The following KNTC1 variants were observed in gnomAD, a reference collection of about 807,000 sequenced individuals.
The protein encoded by KNTC1 is kinetochore-associated protein 1.
In KNTC1, 253 loss-of-function variants were observed where a neutral mutation model predicts 314.4. The observed-to-expected ratio is 0.80, with a 90% CI of 0.73 to 0.89. The LOEUF (loss-of-function observed/expected upper bound fraction) is 0.89, where lower values mean the gene tolerates loss of function less well. Ranked by LOEUF, KNTC1 falls within the 40% of genes least tolerant of loss-of-function variation. The pLI is 0.00. For missense variants in KNTC1, 2,475 were observed against 2,572.9 expected, an observed-to-expected ratio of 0.96 and a Z score of 0.82; for synonymous variants, 901 against 901.4, an observed-to-expected ratio of 1.00 and a Z score of 0.01.
At chr12:122,562,438 T>TG in intron 19 of KNTC1, among the ~76,000 whole-genome samples, 200 bp from the exon 20 acceptor site, 2 of 97,400 alleles carry the variant, frequency 2.1e-5, no homozygotes, top group African/African-American at 3.7e-5. Context: ...TATCCCATGT[T>TG]TTGTGTGTGT....
In KNTC1 at chr12:122,539,727, G is replaced by T; in HGVS notation, c.418G>T (p.Val140Phe). 1.3e-6 allele frequency: 2 copies of T among 1,577,068 alleles called. No homozygotes were observed. Among genetic ancestry groups the T allele is most frequent in the Non-Finnish European group, 1.7e-6 (2 of 1,161,092 alleles). ...AAATCGGCGGACTTACCAGAATCTT[G>T]TCATTGAGAAGGATGGTTCAAATGA... ...DENRRTYQNLVIEKDGSNEGT... is the reference protein window; with the variant it reads ...DENRRTYQNLFIEKDGSNEGT... Residue 140 changes from valine to phenylalanine, a missense_variant, in exon 5 of 64, where the codon GTC becomes TTC. By Grantham distance (50) the Val-to-Phe change is conservative (BLOSUM62 -1). Transcript: ENST00000333479.
chr12:122,551,352 A>T lies in KNTC1; in HGVS notation c.1120A>T (p.Asn374Tyr), dbSNP rs760633250. 6.3e-7 allele frequency: 1 copy of T among 1,594,742 alleles called. No homozygotes were observed. Among genetic ancestry groups the T allele is most frequent in the Non-Finnish European group, 8.6e-7 (1 of 1,166,254 alleles). ...TIYLLEGVCK[N>Y]DPKLSEDSVS... ...ATACCTTTTAGAAGGAGTTTGCAAAAATGATCCAAAGTAGGTCATGTTTTA... is the reference window on the plus strand; with the variant it reads ...ATACCTTTTAGAAGGAGTTTGCAAATATGATCCAAAGTAGGTCATGTTTTA... Residue 374 changes from asparagine (N) to tyrosine (Y), a missense_variant, in exon 14 of 64, where the codon AAT becomes TAT. Asn to Tyr is a moderately radical substitution (Grantham distance 143). Transcript: ENST00000333479.
chr12:122,558,937 C>A (rs182946279), intron 18 of KNTC1, among the ~76,000 whole-genome samples: 3 of 152,130 alleles, frequency 2.0e-5, no homozygotes, highest in African/African-American at 7.2e-5. Flanking sequence ...AGTCCCCCAG[C>A]TTCAGGAAAC....
chr12:122,597,641 T>C (rs1188427163), intron 43 of KNTC1, 90 bp from the exon 44 acceptor site: 1 of 1,032,364 alleles, frequency 9.7e-7, no homozygotes. Context: ...ATTTCAACAA[T>C]GGAAGCATGT....
intron 13 of KNTC1, among the ~76,000 whole-genome samples, chr12:122,550,254 C>T (rs1230322621): frequency 1.3e-5 from 2 of 151,954 alleles, no homozygotes; most frequent in African/African-American, 4.8e-5. Flanking sequence ...TGTAGTTTTC[C>T]ACATTTTGGA....
In KNTC1 at chr12:122,575,863, A is replaced by C; in HGVS notation, c.2550A>C (p.Gly850=). ...MEMKKLLRGY[G]IREVNLLNKE... Reference sequence around the variant, plus strand: ...TGAAAAAACTTTTACGAGGCTATGGAATAAGAGAGGTAAATCTCTTAAACA... The same window carrying C: ...TGAAAAAACTTTTACGAGGCTATGGCATAAGAGAGGTAAATCTCTTAAACA... Residue 850 remains glycine (G), a synonymous_variant, in exon 29 of 64, where the codon GGA becomes GGC. Transcript: ENST00000333479. The C allele has an allele frequency of 1.2e-6, 2 of 1,613,294 alleles. No individual in the cohort carries two copies. The highest frequency in any genetic ancestry group is 2.2e-5 in the South Asian group (2 of 90,842).
In KNTC1 at chr12:122,622,537, A is replaced by G; in HGVS notation, c.6445A>G (p.Met2149Val). The G allele has an allele frequency of 5.7e-6, 9 of 1,577,560 alleles. No individual in the cohort carries two copies. Among genetic ancestry groups the G allele is most frequent in the Non-Finnish European group, 7.8e-6 (9 of 1,160,008 alleles). Residue 2149 changes from methionine (M) to valine (V), a missense_variant, in exon 62 of 64, where the codon ATG (methionine) becomes GTG (valine). By Grantham distance (21) the Met-to-Val change is conservative. Transcript: ENST00000333479. ...GILAKTKYFQ[M>V]LKMHAMNTNN... is the part of the protein sequence containing the mutation. The stretch of plus-strand genomic sequence containing the variant: ...TTTGGCAAAGACCAAATACTTTCAA[A>G]TGTTGAAGATGCATGCGATGAATAC...
intron 20 of KNTC1, among the ~76,000 whole-genome samples, chr12:122,564,710 G>A (rs1233980429): frequency 6.6e-6 from 1 of 151,814 alleles, no homozygotes; most frequent in Non-Finnish European, 1.5e-5. Flanking sequence ...GAGCTCAAGC[G>A]ATCTGCCTGC....
intron 2 of KNTC1, among the ~76,000 whole-genome samples, chr12:122,530,452 CTT>C (rs1231027673): frequency 1.7e-4 from 24 of 140,312 alleles, no homozygotes; most frequent in Admixed American, 1.4e-4. Flanking sequence ...CAAAGGATAT[CTT>C]TTTTTTTTTT....
intron 51 of KNTC1, among the ~76,000 whole-genome samples, chr12:122,608,699 A>G (rs918619096): frequency 6.6e-6 from 1 of 152,180 alleles, no homozygotes. Context: ...GTAAATCCCA[A>G]CAGATATATA....
rs756725585 is a variant in KNTC1 at position 122,561,899 on chromosome 12, ATTTC to A, written c.1489-19_1489-16del. ...AAACAGTAGATATTCTTCTAACTGTATTTCTTATTATTCTTACTTAGCTTTTGAA... is the reference window on the plus strand; with the variant it reads ...AAACAGTAGATATTCTTCTAACTGTATTATTATTCTTACTTAGCTTTTGAA... On this transcript the variant is annotated intron_variant, in intron 18 of 63. Transcript: ENST00000333479. The A allele has an allele frequency of 6.5e-7, 1 of 1,537,700 alleles. No individual in the cohort carries two copies. The highest frequency in any genetic ancestry group is 1.2e-5 in the South Asian group (1 of 85,674).
At chr12:122,596,552 G>A (rs183676715) in intron 43 of KNTC1, among the ~76,000 whole-genome samples, 1 of 151,242 alleles carries the variant, frequency 6.6e-6, no homozygotes, top group African/African-American at 2.4e-5. Flanking sequence ...AAACAAAACA[G>A]CTTTTTGGCC....
chr12:122,599,235 G>T (rs1210416938), intron 44 of KNTC1, among the ~76,000 whole-genome samples: 1 of 152,024 alleles, frequency 6.6e-6, no homozygotes, highest in Non-Finnish European at 1.5e-5. Flanking sequence ...TGAGTAGCTG[G>T]AACTACAGGG....
intron 5 of KNTC1, 107 bp from the exon 6 acceptor site, chr12:122,541,943 A>C (rs1267394735): frequency 2.8e-6 from 3 of 1,055,024 alleles, no homozygotes; most frequent in Non-Finnish European, 3.9e-6. Flanking sequence ...TGCACCCTAG[A>C]GGCGGAGGTT....
At chr12:122,568,398 A>G in intron 21 of KNTC1, 26 bp downstream of exon 21, 3 of 1,281,614 alleles carry the variant, frequency 2.3e-6, no homozygotes, top group Non-Finnish European at 3.4e-6. Context: ...TTTTTTCCTT[A>G]ACAGCTTTAT....
At chr12:122,549,543 A>G (rs1461283609) in intron 12 of KNTC1, among the ~76,000 whole-genome samples, 4 of 150,316 alleles carry the variant, frequency 2.7e-5, no homozygotes, top group Non-Finnish European at 5.9e-5. Context: ...AATTTTTTGT[A>G]TTTTAGTAGA....
chr12:122,618,500 C>G lies in KNTC1; in HGVS notation c.6104C>G (p.Pro2035Arg), dbSNP rs1451235839. Residue 2035 changes from proline (P) to arginine (R), a missense_variant, in exon 59 of 64, where the codon CCT (proline) becomes CGT (arginine). By Grantham distance (103) the Pro-to-Arg change is moderately radical. Transcript: ENST00000333479. Reference protein sequence around the residue: ...PLLSASCPLSPDQLSDCSESL... With the variant: ...PLLSASCPLSRDQLSDCSESL... ...TTTTCAGCCTCTTGTCCTTTAAGTCCTGATCAGCTGTCAGATTGTTCTGAG... is the reference window on the plus strand; with the variant it reads ...TTTTCAGCCTCTTGTCCTTTAAGTCGTGATCAGCTGTCAGATTGTTCTGAG... 2 of 1,611,414 alleles carry G rather than the reference C, an allele frequency of 1.2e-6. No homozygotes were observed. Among genetic ancestry groups the G allele is most frequent in the Non-Finnish European group, 1.7e-6 (2 of 1,179,514 alleles).
Position 122,626,348 on chromosome 12 carries a change from C to T in KNTC1, c.*120C>T. The T allele has an allele frequency of 4.3e-6, 3 of 689,908 alleles. No homozygotes were observed. Among genetic ancestry groups the T allele is most frequent in the Non-Finnish European group, 7.6e-6 (3 of 395,550 alleles). The allele number at this position is 689,908 out of a possible 1,614,324, so 42.7% of individuals were successfully genotyped here. The stretch of plus-strand genomic sequence containing the variant: ...ATTATAGCTATTTGTCTAACATTAC[C>T]CCACATGTAATAAATAAAACAATAT... On this transcript the variant is annotated 3_prime_UTR_variant, in exon 64 of 64. Transcript: ENST00000333479.
Position 122,610,827 on chromosome 12 carries a change from A to G in KNTC1, c.5549A>G (p.Gln1850Arg). The G allele has an allele frequency of 1.2e-6, 2 of 1,610,640 alleles. No individual in the cohort carries two copies. Among genetic ancestry groups the G allele is most frequent in the South Asian group, 2.2e-5 (2 of 90,942 alleles). Residue 1850 changes from glutamine (Q) to arginine (R), a missense_variant, in exon 53 of 64, where the codon CAG becomes CGG. Coordinates refer to ENST00000333479, the MANE Select transcript of KNTC1 (RefSeq NM_014708.6). The part of the protein sequence containing the change: ...LQEDEALRRV[Q>R]YLLLSRPIDY... ...AATTAAAATTTTTTTTCCAGAGTGC[A>G]GTATCTCCTCCTGTCTCGTCCAATT...
Sources: allele counts gnomAD v4.1 joint callset (sites outside exome capture counted in the v4.1 genomes callset), GRCh38; gene constraint gnomAD v4.1.1; transcripts MANE v1.5; gene names NCBI Gene and HGNC (gene_info 2026-07-23, HGNC 2026-07-21).